Variants in DNAJB4 observed in about 807,000 individuals in gnomAD.
DNAJB4 encodes the protein DnaJ heat shock protein family (Hsp40) member B4, also known as dnaJ homolog subfamily B member 4.
A neutral mutation model predicts 26.6 loss-of-function variants in DNAJB4; 10 were observed. The observed-to-expected ratio is 0.38, with a 90% CI of 0.23 to 0.64. The LOEUF is 0.64. Ranked by LOEUF, DNAJB4 falls within the 30% of genes least tolerant of loss-of-function variation. The pLI is 0.58. For missense variants in DNAJB4, 328 were observed against 408.2 expected, an observed-to-expected ratio of 0.80 and a Z score of 1.69; for synonymous variants, 136 against 134.8, an observed-to-expected ratio of 1.01 and a Z score of -0.06.
At chr1:77,985,912 T>C (rs187320023) in intron 1 of DNAJB4, among the ~76,000 whole-genome samples, 3 of 152,270 alleles carry the variant, frequency 2.0e-5, no homozygotes, top group East Asian at 1.9e-4. Flanking sequence ...TGAAGGTGGA[T>C]TGAAACCATG....
At chr1:77,985,626 T>C (rs1222983403) in intron 1 of DNAJB4, among the ~76,000 whole-genome samples, 1 of 152,200 alleles carries the variant, frequency 6.6e-6, no homozygotes, top group Non-Finnish European at 1.5e-5. Flanking sequence ...ATATTACCTT[T>C]AGATTCTTAA....
At chr1:77,979,799 G>A (rs17101112), upstream of DNAJB4, among the ~76,000 whole-genome samples, 1,675 of 152,276 alleles carry the variant, frequency 0.011, 23 homozygotes, top group African/African-American at 0.036. Context: ...ATCCAAAAAC[G>A]TGATTGTTCT....
intron 1 of DNAJB4, among the ~76,000 whole-genome samples, chr1:77,989,397 A>C (rs1193035270): frequency 1.3e-5 from 2 of 152,104 alleles, no homozygotes; most frequent in Non-Finnish European, 2.9e-5. Context: ...TCCTTATTAC[A>C]AGTCTATCTC....
At chr1:78,007,702 A>G (rs1038004500) in intron 1 of DNAJB4, among the ~76,000 whole-genome samples, 15 of 152,226 alleles carry the variant, frequency 9.9e-5, no homozygotes, top group African/African-American at 3.6e-4. Context: ...AGAATATCTC[A>G]TTTATTCTAT....
chr1:78,007,810 G>A (rs1660370339), intron 1 of DNAJB4, among the ~76,000 whole-genome samples: 1 of 152,128 alleles, frequency 6.6e-6, no homozygotes, highest in Admixed American at 6.5e-5. Context: ...GGTGTCTCCA[G>A]TAGTAACAAA....
At chr1:78,003,138 T>G (rs1157695834), upstream of DNAJB4, among the ~76,000 whole-genome samples, 1 of 152,176 alleles carries the variant, frequency 6.6e-6, no homozygotes, top group Non-Finnish European at 1.5e-5. Flanking sequence ...TGGAAATGAA[T>G]TTTGTAATAG....
At chr1:78,001,051 C>T (rs969454801), upstream of DNAJB4, among the ~76,000 whole-genome samples, 1 of 151,452 alleles carries the variant, frequency 6.6e-6, no homozygotes. Context: ...ATTCCAGGAT[C>T]GAAATTTCAA....
chr1:77,984,642 A>G (rs1659749658), intron 1 of DNAJB4, among the ~76,000 whole-genome samples: 1 of 152,204 alleles, frequency 6.6e-6, no homozygotes, highest in Non-Finnish European at 1.5e-5. Context: ...CCTCCTCTGT[A>G]TAAAAGAGGG....
Position 78,016,427 on chromosome 1 carries a change from TAAAAG to T in DNAJB4, c.*182_*186del. The T allele has an allele frequency of 3.5e-6, 2 of 577,440 alleles. No homozygotes were observed. Among genetic ancestry groups the T allele is most frequent in the Non-Finnish European group, 6.0e-6 (2 of 331,396 alleles). 35.8% of individuals were successfully genotyped at this position (577,440 alleles called of 1,614,324 possible). ...CAAAAGGGATTTTTACAGTTAGAGA[TAAAAG>T]AGAAAACCATTCACTGTATTTTATT... On this transcript the variant is annotated 3_prime_UTR_variant, in exon 3 of 3. Coordinates refer to ENST00000370763, the MANE Select transcript of DNAJB4 (RefSeq NM_007034.5).
At chr1:77,988,123 C>T (rs1443069254) in intron 1 of DNAJB4, among the ~76,000 whole-genome samples, 1 of 149,848 alleles carries the variant, frequency 6.7e-6, no homozygotes, top group East Asian at 2.0e-4. Context: ...CTCCTGTGCT[C>T]AAGCAATCTT....
intron 1 of DNAJB4, among the ~76,000 whole-genome samples, chr1:77,988,248 C>G (rs756619428): frequency 6.6e-6 from 1 of 152,084 alleles, no homozygotes; most frequent in Non-Finnish European, 1.5e-5. Context: ...GTCTGAAACT[C>G]GTGGCCTCAA....
chr1:77,993,184 C>T (rs904818982), intron 1 of DNAJB4, among the ~76,000 whole-genome samples: 1 of 152,186 alleles, frequency 6.6e-6, no homozygotes, highest in African/African-American at 2.4e-5. Context: ...AAGGGCCAGA[C>T]GGTAACTATT....
intron 1 of DNAJB4, among the ~76,000 whole-genome samples, chr1:77,998,745 G>A (rs1300651499): frequency 3.2e-4 from 49 of 152,138 alleles, no homozygotes; most frequent in Non-Finnish European, 5.9e-5. Flanking sequence ...GGCTGAGGTG[G>A]GAAAATGGCT....
At chr1:77,980,622 G>A (rs1272161100) in intron 1 of DNAJB4, among the ~76,000 whole-genome samples, 1 of 151,884 alleles carries the variant, frequency 6.6e-6, no homozygotes, top group Non-Finnish European at 1.5e-5. Flanking sequence ...GTGGCATTTT[G>A]TCTTACTTGG....
chr1:78,002,736 C>T (rs1293009963), upstream of DNAJB4, among the ~76,000 whole-genome samples: 2 of 152,064 alleles, frequency 1.3e-5, no homozygotes, highest in African/African-American at 4.8e-5. Flanking sequence ...TCGCGTAAAT[C>T]ACGATTATAT....
intron 1 of DNAJB4, among the ~76,000 whole-genome samples, chr1:77,991,631 G>A (rs1261961452): frequency 6.6e-6 from 1 of 152,100 alleles, no homozygotes; most frequent in African/African-American, 2.4e-5. Flanking sequence ...ACAAGTCAGT[G>A]GTCTGCCCTC....
In DNAJB4 at chr1:78,016,161, C is replaced by T; in HGVS notation, c.928C>T (p.Leu310Phe). The T allele has an allele frequency of 6.2e-7, 1 of 1,614,094 alleles. No individual in the cohort carries two copies. Among genetic ancestry groups the T allele is most frequent in the Non-Finnish European group, 8.5e-7 (1 of 1,180,020 alleles). The change falls in exon 3 of 3, where the codon CTT becomes TTT. Residue 310 changes from leucine to phenylalanine, a missense_variant. Transcript: ENST00000370763. ...AAAAAATCCTGACCAACGTGGTGAC[C>T]TTCTAATAGAATTTGAGGTGTCCTT... ...FPKNPDQRGD[L>F]LIEFEVSFPD...
At chr1:77,987,559 A>G (rs893931646) in intron 1 of DNAJB4, among the ~76,000 whole-genome samples, 5 of 152,048 alleles carry the variant, frequency 3.3e-5, no homozygotes, top group African/African-American at 2.4e-5. Flanking sequence ...GCCTGGCCCC[A>G]TGCATCTTTA....
upstream of DNAJB4, among the ~76,000 whole-genome samples, chr1:78,003,882 C>G (rs1660251815): frequency 6.6e-6 from 1 of 152,028 alleles, no homozygotes; most frequent in Non-Finnish European, 1.5e-5. Context: ...GAAGTAAATA[C>G]AGTAATATTT....
Sources: gnomAD v4.1 joint callset for allele counts (sites outside exome capture counted in the v4.1 genomes callset) on GRCh38, gnomAD v4.1.1 for gene constraint, MANE v1.5 for transcripts, NCBI Gene and HGNC (gene_info 2026-07-23, HGNC 2026-07-21) for gene names.